The following OR2D2 variants were observed in gnomAD, a reference collection of about 807,000 sequenced individuals.
OR2D2 encodes the protein olfactory receptor family 2 subfamily D member 2.
In OR2D2, 20 loss-of-function variants were observed where a neutral mutation model predicts 16.0. The ratio of observed to expected loss-of-function variants is 1.25; its 90% CI spans 0.88 to 1.82. The LOEUF (loss-of-function observed/expected upper bound fraction) is 1.82. Ranked by LOEUF, OR2D2 falls within the 40% of genes most tolerant of loss-of-function variation. The pLI is 0.00. For missense variants in OR2D2, 409 were observed against 369.3 expected, an observed-to-expected ratio of 1.11 and a Z score of -0.88; for synonymous variants, 164 against 143.9, an observed-to-expected ratio of 1.14 and a Z score of -1.00.
rs758439288 is a variant in OR2D2, at chr11:6,891,876, T to C, written c.625A>G (p.Ile209Val). 4.3e-6 allele frequency: 7 copies of C among 1,613,606 alleles called. No individual in the cohort carries two copies. In the South Asian group the frequency reaches 4.4e-5, roughly 10 times the overall value. Residue 209 changes from isoleucine to valine, a missense_variant, in exon 1 of 1, where the codon ATA (isoleucine) becomes GTA (valine). By Grantham distance (29) the Ile-to-Val change is conservative (BLOSUM62 3). Transcript: ENST00000299459. Reference sequence around the variant, plus strand: ...GATACCAGAATCAGAAAAACAGGTATGAGGAGAATCACAACCCCCATAAGA... The same window carrying C: ...GATACCAGAATCAGAAAAACAGGTACGAGGAGAATCACAACCCCCATAAGA... ...IFLMGVVILL[I>V]PVFLILVSYG...
At position 6,892,300 on chromosome 11, in the gene OR2D2, A is replaced by G. The variant is rs745582368; in HGVS notation, c.201T>C (p.Ser67=). The G allele has an allele frequency of 6.2e-7, 1 of 1,613,776 alleles. No homozygotes were observed. The highest frequency in any genetic ancestry group is 8.5e-7 in the Non-Finnish European group (1 of 1,179,892). Residue 67 remains serine, a synonymous_variant, in exon 1 of 1, where the codon TCT becomes TCC. Coordinates refer to ENST00000299459, the MANE Select transcript of OR2D2 (RefSeq NM_003700.1). ...TGGTAGAGAAACAGAGGTCAGCCAG[A>G]GACAAGTTGCAGAGAAAAAAATACA... ...TPMYFFLCNL[S]LADLCFSTNI...
In OR2D2 at chr11:6,891,875, A is replaced by T. The variant is rs1848597291; in HGVS notation, c.626T>A (p.Ile209Lys). 5 of 1,613,730 alleles carry T rather than the reference A, an allele frequency of 3.1e-6. No individual in the cohort carries two copies. The highest frequency in any genetic ancestry group is 1.1e-5 in the South Asian group (1 of 91,082). ...GGATACCAGAATCAGAAAAACAGGTATGAGGAGAATCACAACCCCCATAAG... is the reference window on the plus strand; with the variant it reads ...GGATACCAGAATCAGAAAAACAGGTTTGAGGAGAATCACAACCCCCATAAG... ...IFLMGVVILL[I>K]PVFLILVSYG... The change falls in exon 1 of 1, where the codon ATA becomes AAA. Residue 209 changes from isoleucine to lysine, a missense_variant. By Grantham distance (102) the Ile-to-Lys change is moderately radical. Coordinates refer to ENST00000299459, the MANE Select transcript of OR2D2 (RefSeq NM_003700.1).
chr11:6,892,348 A>G lies in OR2D2; in HGVS notation c.153T>C (p.Val51=). The G allele has an allele frequency of 6.2e-7, 1 of 1,613,816 alleles. No individual in the cohort carries two copies. The highest frequency in any genetic ancestry group is 8.5e-7 in the Non-Finnish European group (1 of 1,179,830). The change falls in exon 1 of 1, where the codon GTT becomes GTC. Residue 51 remains valine (V), a synonymous_variant. Transcript: ENST00000299459. ...ACATGGGTGTGTGAAGTTGGGAGTCAACATGAACAAGGGAGATTAGAAGCA... is the reference window on the plus strand; with the variant it reads ...ACATGGGTGTGTGAAGTTGGGAGTCGACATGAACAAGGGAGATTAGAAGCA... ...GNLLLISLVH[V]DSQLHTPMYF... is the part of the protein sequence containing the mutation.
In OR2D2 at chr11:6,891,622, C is replaced by G; in HGVS notation, c.879G>C (p.Lys293Asn). The change falls in exon 1 of 1, where the codon AAG becomes AAC. Residue 293 changes from lysine to asparagine, a missense_variant. Transcript: ENST00000299459. ...LNPLIYSLRNKDVKAALRKVA... is the reference protein window; with the variant it reads ...LNPLIYSLRNNDVKAALRKVA... Reference sequence around the variant, plus strand: ...CTTTCCTCAGAGCTGCCTTCACATCCTTGTTTCTCAGGCTATAGATGAGGG... The same window carrying G: ...CTTTCCTCAGAGCTGCCTTCACATCGTTGTTTCTCAGGCTATAGATGAGGG... The G allele has an allele frequency of 6.8e-6, 11 of 1,613,560 alleles. No homozygotes were observed. The highest frequency in any genetic ancestry group is 9.3e-6 in the Non-Finnish European group (11 of 1,179,706).
chr11:6,891,687 C>T lies in OR2D2; in HGVS notation c.814G>A (p.Val272Met), dbSNP rs754570829. The stretch of plus-strand genomic sequence containing the variant: ...GTCACTATTGCATAGAAAACAGACA[C>T]CGATTTTTCCTGCTGTTTGGAAGAC... ...PKSSKQQEKS[V>M]SVFYAIVTPM... Residue 272 changes from valine (V) to methionine (M), a missense_variant, in exon 1 of 1, where the codon GTG becomes ATG. Val to Met is a conservative substitution (Grantham distance 21). Transcript: ENST00000299459. 1.9e-6 allele frequency: 3 copies of T among 1,612,740 alleles called. No individual in the cohort carries two copies. The Admixed American group carries it at 5.0e-5, about 27-fold the overall frequency.
chr11:6,891,722 A>G lies in OR2D2; in HGVS notation c.779T>C (p.Met260Thr), dbSNP rs775839284. 4.3e-6 allele frequency: 7 copies of G among 1,613,796 alleles called. No homozygotes were observed. The highest frequency in any genetic ancestry group is 8.5e-7 in the Non-Finnish European group (1 of 1,179,818). Residue 260 changes from methionine (M) to threonine (T), a missense_variant, in exon 1 of 1, where the codon ATG (methionine) becomes ACG (threonine). Physicochemically the swap from Met to Thr is moderately conservative, Grantham distance 81. Coordinates refer to ENST00000299459, the MANE Select transcript of OR2D2 (RefSeq NM_003700.1). Reference sequence around the variant, plus strand: ...CTGCTGTTTGGAAGACTTGGGTGTCATGTAAGTGATAATTGCTGATCCATA... The same window carrying G: ...CTGCTGTTTGGAAGACTTGGGTGTCGTGTAAGTGATAATTGCTGATCCATA... Reference protein sequence around the residue: ...LFYGSAIITYMTPKSSKQQEK... With the variant: ...LFYGSAIITYTTPKSSKQQEK...
In OR2D2 at chr11:6,892,450, G is replaced by A. The variant is rs1296140360; in HGVS notation, c.51C>T (p.Leu17=). The A allele has an allele frequency of 5.0e-6, 8 of 1,613,352 alleles. No individual in the cohort carries two copies. The Admixed American group carries it at 6.7e-5, about 13-fold the overall frequency. ...TQVTEFLLLG[L]SDGPHTEQLL... is the part of the protein sequence containing the mutation. ...GCTGCTCGGTGTGTGGCCCATCAGA[G>A]AGTCCCAGAAGGAGGAATTCTGTCA... Residue 17 remains leucine, a synonymous_variant, in exon 1 of 1, where the codon CTC becomes CTT. Coordinates refer to ENST00000299459, the MANE Select transcript of OR2D2 (RefSeq NM_003700.1).
chr11:6,892,408 T>C lies in OR2D2; in HGVS notation c.93A>G (p.Leu31=), dbSNP rs1234956103. Residue 31 remains leucine, a synonymous_variant, in exon 1 of 1, where the codon TTA becomes TTG. Transcript: ENST00000299459. Reference sequence around the variant, plus strand: ...GCACAGTGACCAGGTAGACACCCAATAATACGATAAATAGCAGCTGCTCGG... The same window carrying C: ...GCACAGTGACCAGGTAGACACCCAACAATACGATAAATAGCAGCTGCTCGG... ...PHTEQLLFIV[L]LGVYLVTVLG... The C allele has an allele frequency of 8.1e-6, 13 of 1,613,716 alleles. No homozygotes were observed. Among genetic ancestry groups the C allele is most frequent in the Non-Finnish European group, 8.5e-6 (10 of 1,179,804 alleles).
In OR2D2 at chr11:6,892,210, G is replaced by C. The variant is rs140419808; in HGVS notation, c.291C>G (p.Cys97Trp). Residue 97 changes from cysteine (C) to tryptophan (W), a missense_variant, in exon 1 of 1, where the codon TGC (cysteine) becomes TGG (tryptophan). Transcript: ENST00000299459. ...SRKKVIAFTL[C>W]AARLLFFLIF... ...TGAGGAAAAAGAGAAGTCGAGCTGC[G>C]CAAAGTGTGAATGCAATGACCTTCT... is the stretch of plus-strand genomic sequence containing the variant. 6 of 1,613,880 alleles carry C rather than the reference G, an allele frequency of 3.7e-6. No homozygotes were observed. The highest frequency in any genetic ancestry group is 5.1e-6 in the Non-Finnish European group (6 of 1,179,888).
Position 6,892,021 on chromosome 11 carries a change from G to C in OR2D2, c.480C>G (p.Thr160=). The C allele has an allele frequency of 6.2e-7, 1 of 1,613,662 alleles. No homozygotes were observed. Among genetic ancestry groups the C allele is most frequent in the Non-Finnish European group, 8.5e-7 (1 of 1,179,776 alleles). The change falls in exon 1 of 1, where the codon ACC becomes ACG. Residue 160 remains threonine, a synonymous_variant. Transcript: ENST00000299459. ...GGTAGGGTAGCCTCAGTATGAAGGT[G>C]GTGTCTACCACAGACACCAGAATGC... is the stretch of plus-strand genomic sequence containing the variant. The part of the protein sequence containing the change: ...TSGILVSVVD[T]TFILRLPYRG...
chr11:6,891,929 T>C lies in OR2D2; in HGVS notation c.572A>G (p.Asp191Gly). The change falls in exon 1 of 1, where the codon GAC (aspartate) becomes GGC (glycine). Residue 191 changes from aspartate (D) to glycine (G), a missense_variant. Physicochemically the swap from Asp to Gly is moderately conservative, Grantham distance 94. Transcript: ENST00000299459. ...AATGGCCATCTCTGATGCATGGGTG[T>C]CTGTGGATGCTAAGATCAATAGTGC... Reference protein sequence around the residue: ...APALLILASTDTHASEMAIFL... With the variant: ...APALLILASTGTHASEMAIFL... 1 of 1,613,654 alleles carries C rather than the reference T, an allele frequency of 6.2e-7. No homozygotes were observed. Among genetic ancestry groups the C allele is most frequent in the South Asian group, 1.1e-5 (1 of 91,062 alleles).
At position 6,891,629 on chromosome 11, in the gene OR2D2, C is replaced by G. The variant is rs1210475277; in HGVS notation, c.872G>C (p.Arg291Thr). 6.2e-7 allele frequency: 1 copy of G among 1,613,464 alleles called. No individual in the cohort carries two copies. Among genetic ancestry groups the G allele is most frequent in the Non-Finnish European group, 8.5e-7 (1 of 1,179,720 alleles). Residue 291 changes from arginine (R) to threonine (T), a missense_variant, in exon 1 of 1, where the codon AGA becomes ACA. Coordinates refer to ENST00000299459, the MANE Select transcript of OR2D2 (RefSeq NM_003700.1). ...CAGAGCTGCCTTCACATCCTTGTTT[C>G]TCAGGCTATAGATGAGGGGATTAAG... Reference protein sequence around the residue: ...PMLNPLIYSLRNKDVKAALRK... With the variant: ...PMLNPLIYSLTNKDVKAALRK...
At position 6,891,592 on chromosome 11, in the gene OR2D2, G is replaced by A; in HGVS notation, c.909C>T (p.Ala303=). The change falls in exon 1 of 1, where the codon GCC becomes GCT. Residue 303 remains alanine, a synonymous_variant. Coordinates refer to ENST00000299459, the MANE Select transcript of OR2D2 (RefSeq NM_003700.1). ...KDVKAALRKV[A]TRNFP ...CAAGCCTTCATGGGAAATTCCTTGT[G>A]GCTACTTTCCTCAGAGCTGCCTTCA... 5.6e-6 allele frequency: 9 copies of A among 1,612,510 alleles called. No homozygotes were observed. The highest frequency in any genetic ancestry group is 7.6e-6 in the Non-Finnish European group (9 of 1,178,964).
At position 6,891,951 on chromosome 11, in the gene OR2D2, G is replaced by C. The variant is rs373422087; in HGVS notation, c.550C>G (p.Leu184Val). The change falls in exon 1 of 1, where the codon CTA (leucine) becomes GTA (valine). Residue 184 changes from leucine to valine, a missense_variant. By Grantham distance (32) the Leu-to-Val change is conservative (BLOSUM62 1). Transcript: ENST00000299459. Reference sequence around the variant, plus strand: ...GTGTCTGTGGATGCTAAGATCAATAGTGCAGGGGCCTCACAAAAGAAATGA... The same window carrying C: ...GTGTCTGTGGATGCTAAGATCAATACTGCAGGGGCCTCACAAAAGAAATGA... ...IAHFFCEAPA[L>V]LILASTDTHA... is the part of the protein sequence containing the mutation. 5 of 1,613,604 alleles carry C rather than the reference G, an allele frequency of 3.1e-6. No individual in the cohort carries two copies. The African/African-American group carries it at 5.3e-5, about 17-fold the overall frequency.
rs765791139 is a variant in OR2D2, at chr11:6,891,731, A to G, written c.770T>C (p.Ile257Thr). The G allele has an allele frequency of 2.5e-6, 4 of 1,613,648 alleles. No homozygotes were observed. Among genetic ancestry groups the G allele is most frequent in the South Asian group, 2.2e-5 (2 of 91,080 alleles). Residue 257 changes from isoleucine (I) to threonine (T), a missense_variant, in exon 1 of 1, where the codon ATC becomes ACC. Coordinates refer to ENST00000299459, the MANE Select transcript of OR2D2 (RefSeq NM_003700.1). Reference sequence around the variant, plus strand: ...GGAAGACTTGGGTGTCATGTAAGTGATAATTGCTGATCCATAAAAAAGTAT... The same window carrying G: ...GGAAGACTTGGGTGTCATGTAAGTGGTAATTGCTGATCCATAAAAAAGTAT... ...VVILFYGSAIITYMTPKSSKQ... is the reference protein window; with the variant it reads ...VVILFYGSAITTYMTPKSSKQ...
At position 6,891,599 on chromosome 11, in the gene OR2D2, T is replaced by C; in HGVS notation, c.902A>G (p.Lys301Arg). The C allele has an allele frequency of 1.2e-6, 2 of 1,612,862 alleles. No individual in the cohort carries two copies. The highest frequency in any genetic ancestry group is 1.7e-5 in the Admixed American group (1 of 59,902). Residue 301 changes from lysine to arginine, a missense_variant, in exon 1 of 1, where the codon AAA (lysine) becomes AGA (arginine). Coordinates refer to ENST00000299459, the MANE Select transcript of OR2D2 (RefSeq NM_003700.1). ...RNKDVKAALRKVATRNFP is the reference protein window; with the variant it reads ...RNKDVKAALRRVATRNFP ...TCATGGGAAATTCCTTGTGGCTACT[T>C]TCCTCAGAGCTGCCTTCACATCCTT...
At position 6,891,944 on chromosome 11, in the gene OR2D2, A is replaced by G; in HGVS notation, c.557T>C (p.Ile186Thr). ...TGCATGGGTGTCTGTGGATGCTAAG[A>G]TCAATAGTGCAGGGGCCTCACAAAA... ...HFFCEAPALL[I>T]LASTDTHASE... The change falls in exon 1 of 1, where the codon ATC becomes ACC. Residue 186 changes from isoleucine (I) to threonine (T), a missense_variant. Coordinates refer to ENST00000299459, the MANE Select transcript of OR2D2 (RefSeq NM_003700.1). 6.2e-7 allele frequency: 1 copy of G among 1,613,678 alleles called. No individual in the cohort carries two copies. Among genetic ancestry groups the G allele is most frequent in the East Asian group, 2.2e-5 (1 of 44,830 alleles).
Position 6,892,241 on chromosome 11 carries a change from G to A in OR2D2, c.260C>T (p.Ser87Phe). ...IVPQALVHLL[S>F]RKKVIAFTLC... is the part of the protein sequence containing the mutation. ...TGTGAATGCAATGACCTTCTTTCTG[G>A]AAAGCAGGTGGACTAGTGCCTGAGG... Residue 87 changes from serine (S) to phenylalanine (F), a missense_variant, in exon 1 of 1, where the codon TCC becomes TTC. Ser to Phe is a radical substitution (Grantham distance 155, BLOSUM62 -2). Coordinates refer to ENST00000299459, the MANE Select transcript of OR2D2 (RefSeq NM_003700.1). 6.2e-7 allele frequency: 1 copy of A among 1,613,930 alleles called. No homozygotes were observed. Among genetic ancestry groups the A allele is most frequent in the Non-Finnish European group, 8.5e-7 (1 of 1,179,888 alleles).
rs375501732 is a variant in OR2D2, at chr11:6,891,740, G to T, written c.761C>A (p.Ser254Ter). 25 of 1,613,628 alleles carry T rather than the reference G, an allele frequency of 1.5e-5. No homozygotes were observed. Among genetic ancestry groups the T allele is most frequent in the Non-Finnish European group, 2.1e-5 (25 of 1,179,836 alleles). Residue 254 changes from serine (S) to a stop codon, truncating the protein, a stop_gained, in exon 1 of 1, where the codon TCA becomes TAA. Transcript: ENST00000299459. LOFTEE classifies it high-confidence loss of function. ...HLMVVILFYG[S>*]AIITYMTPKS... ...GGGTGTCATGTAAGTGATAATTGCT[G>T]ATCCATAAAAAAGTATGACCACCAT... is the stretch of plus-strand genomic sequence containing the variant.
Sources: gnomAD v4.1 joint callset for allele counts on GRCh38, gnomAD v4.1.1 for gene constraint, MANE v1.5 for transcripts, NCBI Gene and HGNC (gene_info 2026-07-23, HGNC 2026-07-21) for gene names.